Variants in APC2 observed in about 807,000 individuals in gnomAD.
APC2 encodes APC regulator of Wnt signaling pathway 2, also known as adenomatous polyposis coli protein 2.
In APC2, 41 loss-of-function variants were observed where a neutral mutation model predicts 72.5. That is an observed-to-expected ratio of 0.57 (90% confidence interval 0.44 to 0.73). The LOEUF is 0.73. Among genes scored for constraint, APC2 ranks in the 30% least tolerant of loss-of-function variants. APC2 has a pLI of 0.00. For missense variants in APC2, 3,729 were observed against 3,403.4 expected (o/e 1.10, Z -2.38); for synonymous variants, 1,898 against 1,612.0 (o/e 1.18, Z -4.25).
chr19:1,458,716 C>CT (rs1029536182), intron 10 of APC2: 1 of 152,180 alleles, frequency 6.6e-6, no homozygotes. Context: ...AAAGAAAAGT[C>CT]TTGCTGTAAC....
intron 13 of APC2, chr19:1,461,688 T>TA (rs2083926593): frequency 4.3e-6 from 2 of 460,434 alleles, no homozygotes; most frequent in Admixed American, 7.9e-5. Context: ...CCGTCTCTAC[T>TA]AAAAATACAA....
At chr19:1,448,544 T>TC (rs2083707267), upstream of APC2, among the ~76,000 whole-genome samples, 2 of 82,710 alleles carry the variant, frequency 2.4e-5, no homozygotes, top group Admixed American at 1.4e-4. Flanking sequence ...AGACCCCATC[T>TC]AAAAAAAAAA....
chr19:1,447,861 C>G (rs565657999), upstream of APC2, among the ~76,000 whole-genome samples: 2 of 152,278 alleles, frequency 1.3e-5, no homozygotes, highest in South Asian at 4.1e-4. Flanking sequence ...GCCCAGGCCT[C>G]AGTTTCCCCA....
rs968775613 is a variant in APC2 at position 1,450,316 on chromosome 19, C to G, written c.-41C>G. ...GGAGGCCCCAGACCCAGGCGCCCCGCCAGCCCAGCTGCACGTAAGCGGGTG... is the reference window on the plus strand; with the variant it reads ...GGAGGCCCCAGACCCAGGCGCCCCGGCAGCCCAGCTGCACGTAAGCGGGTG... On this transcript the variant is annotated 5_prime_UTR_variant, in exon 1 of 15. Coordinates refer to ENST00000590469, the MANE Select transcript of APC2 (RefSeq NM_005883.3). 2.0e-6 allele frequency: 2 copies of G among 985,346 alleles called. No individual in the cohort carries two copies. The highest frequency in any genetic ancestry group is 3.5e-5 in the African/African-American group (2 of 57,246). 61.0% of individuals were successfully genotyped at this position (985,346 alleles called of 1,614,324 possible).
rs571505746 is a variant in APC2, at chr19:1,459,008, C to T, written c.1303+948C>T. 1.2e-4 allele frequency among the ~76,000 whole-genome samples: 18 copies of T among 151,872 alleles called. No homozygotes were observed. The East Asian group carries it at 1.4e-3, about 12-fold the overall frequency. On this transcript the variant is annotated intron_variant, in intron 10 of 14. Coordinates refer to ENST00000590469, the MANE Select transcript of APC2 (RefSeq NM_005883.3). Reference sequence around the variant, plus strand: ...CACTTTACATCTTCAAACTCTGTCCCGGTGAAACATTTCCTGCTCATCCTG... The same window carrying T: ...CACTTTACATCTTCAAACTCTGTCCTGGTGAAACATTTCCTGCTCATCCTG...
At chr19:1,447,384 T>G (rs766857618), upstream of APC2, among the ~76,000 whole-genome samples, 3 of 152,104 alleles carry the variant, frequency 2.0e-5, no homozygotes, top group African/African-American at 4.8e-5. Flanking sequence ...GGCTGCGGAC[T>G]TGCGGGGAGG....
At chr19:1,460,549 G>A (rs947227132) in intron 11 of APC2, among the ~76,000 whole-genome samples, 19 of 152,244 alleles carry the variant, frequency 1.2e-4, no homozygotes, top group African/African-American at 4.3e-4. Context: ...TGCTGCCTCT[G>A]CAGAAAATGG....
Position 1,455,222 on chromosome 19 carries a change from T to G in APC2, c.487T>G (p.Ser163Ala). The change falls in exon 5 of 15, where the codon TCC becomes GCC. Residue 163 changes from serine to alanine, a missense_variant. Physicochemically the swap from Ser to Ala is moderately conservative, Grantham distance 99. Coordinates refer to ENST00000590469, the MANE Select transcript of APC2 (RefSeq NM_005883.3). ...GTACTACTCTCAGCTGCAGGGCCTG[T>G]CCAAGCGCCTGGACGAGCTGCCGCA... ...LWYYSQLQGLSKRLDELPHVE... is the reference protein window; with the variant it reads ...LWYYSQLQGLAKRLDELPHVE... 6.3e-7 allele frequency: 1 copy of G among 1,582,248 alleles called. No individual in the cohort carries two copies.
Position 1,468,847 on chromosome 19 carries a change from C to T in APC2, c.5546C>T (p.Thr1849Ile), listed in dbSNP as rs2084076934. ...CGGAGCCTACACCGGCCTGCCAAGA[C>T]CTCGGAGCTGGCGACGCTGAGCCAG... Reference protein sequence around the residue: ...RSRSLHRPAKTSELATLSQPP... With the variant: ...RSRSLHRPAKISELATLSQPP... The change falls in exon 15 of 15, where the codon ACC becomes ATC. Residue 1849 changes from threonine (T) to isoleucine (I), a missense_variant. Transcript: ENST00000590469. 1 of 1,550,282 alleles carries T rather than the reference C, an allele frequency of 6.5e-7. No homozygotes were observed. Among genetic ancestry groups the T allele is most frequent in the Non-Finnish European group, 8.7e-7 (1 of 1,155,364 alleles).
chr19:1,461,696 C>G (rs2083926738), intron 13 of APC2: 1 of 471,750 alleles, frequency 2.1e-6, no homozygotes, highest in Admixed American at 3.9e-5. Context: ...ACTAAAAATA[C>G]AAAAAATTAG....
In APC2 at chr19:1,467,355, C is replaced by A. The variant is rs1169188489; in HGVS notation, c.4054C>A (p.Pro1352Thr). The change falls in exon 15 of 15, where the codon CCT becomes ACT. Residue 1352 changes from proline to threonine, a missense_variant. Physicochemically the swap from Pro to Thr is conservative, Grantham distance 38. Coordinates refer to ENST00000590469, the MANE Select transcript of APC2 (RefSeq NM_005883.3). ...LLRECLGAAVPARLRKVASAL... is the reference protein window; with the variant it reads ...LLRECLGAAVTARLRKVASAL... ...GCGGGAGTGCCTGGGAGCCGCCGTG[C>A]CTGCCCGGCTGCGCAAGGTGGCCTC... The A allele has an allele frequency of 1.4e-6, 2 of 1,463,694 alleles. No individual in the cohort carries two copies. The highest frequency in any genetic ancestry group is 1.8e-6 in the Non-Finnish European group (2 of 1,112,018). The allele number at this position is 1,463,694 out of a possible 1,614,324, so 90.7% of individuals were successfully genotyped here. A position where few individuals can be genotyped will look rare whatever the true frequency, so the allele number is the denominator to read the frequency against.
In APC2 at chr19:1,466,161, C is replaced by T. The variant is rs1460400358; in HGVS notation, c.2860C>T (p.Arg954Cys). ...PCPLAALASRREDPRCGQPRP... is the reference protein window; with the variant it reads ...PCPLAALASRCEDPRCGQPRP... ...CCCGCTGGCCGCACTGGCTTCGCGC[C>T]GCGAGGACCCCAGGTGTGGGCAGCC... Residue 954 changes from arginine (R) to cysteine (C), a missense_variant, in exon 15 of 15, where the codon CGC (arginine) becomes TGC (cysteine). Physicochemically the swap from Arg to Cys is radical, Grantham distance 180. Coordinates refer to ENST00000590469, the MANE Select transcript of APC2 (RefSeq NM_005883.3). 6.4e-7 allele frequency: 1 copy of T among 1,565,420 alleles called. No homozygotes were observed. Among genetic ancestry groups the T allele is most frequent in the South Asian group, 1.2e-5 (1 of 86,862 alleles).
At position 1,470,347 on chromosome 19, in the gene APC2, G is replaced by C. The variant is rs112454924; in HGVS notation, c.*134G>C. On this transcript the variant is annotated 3_prime_UTR_variant, in exon 15 of 15. Transcript: ENST00000590469. ...GCCCACCCGAGCCCCACCACTCTCAGAACCCCCGCCCAGCGCACGGCGACC... is the reference window on the plus strand; with the variant it reads ...GCCCACCCGAGCCCCACCACTCTCACAACCCCCGCCCAGCGCACGGCGACC... 5.0e-5 allele frequency: 63 copies of C among 1,251,634 alleles called. 1 individual carries two copies. The African/African-American group carries it at 6.5e-4, about 13-fold the overall frequency. 77.5% of individuals were successfully genotyped at this position (1,251,634 alleles called of 1,614,324 possible).
At chr19:1,460,758 C>T (rs2083909431) in intron 11 of APC2, 22 bp from the exon 12 acceptor site, 1 of 1,609,086 alleles carries the variant, frequency 6.2e-7, no homozygotes. Context: ...CCCCGTGACC[C>T]CGGCTGCATA....
Position 1,452,970 on chromosome 19 carries a change from C to T in APC2, c.-18-14C>T, listed in dbSNP as rs1177794563. 6.2e-7 allele frequency: 1 copy of T among 1,609,392 alleles called. No homozygotes were observed. Among genetic ancestry groups the T allele is most frequent in the Admixed American group, 1.7e-5 (1 of 59,940 alleles). ...CCAGACCATCAGCTGAACCCTCTGA[C>T]CCTGTGATCCCAGACGCTGCAGGAG... On this transcript the variant is annotated splice_polypyrimidine_tract_variant and intron_variant, in intron 1 of 14. Transcript: ENST00000590469. The surrounding 1 kb of genome is among the most constrained non-coding windows in gnomAD (Gnocchi z 5.1).
In APC2 at chr19:1,468,992, TG is replaced by T; in HGVS notation, c.5695del (p.Ala1899ProfsTer97). On this transcript the variant is annotated frameshift_variant, in exon 15 of 15. Transcript: ENST00000590469. LOFTEE classifies it low-confidence loss of function (END_TRUNC). ...AGCGCCCCCCGGTCACCCAGGCTGCTGGGGCCCTGCCCGGCCCCGGAGCCTC... is the reference window on the plus strand; with the variant it reads ...AGCGCCCCCCGGTCACCCAGGCTGCTGGGCCCTGCCCGGCCCCGGAGCCTC... ...RKRPPVTQAA[G>X]ALPGPGASPV... The T allele has an allele frequency of 1.3e-6, 2 of 1,559,900 alleles. No homozygotes were observed. Among genetic ancestry groups the T allele is most frequent in the Non-Finnish European group, 1.7e-6 (2 of 1,157,600 alleles).
Position 1,457,125 on chromosome 19 carries a change from G to A in APC2, c.1089G>A (p.Leu363=), listed in dbSNP as rs1172221337. The A allele has an allele frequency of 6.3e-7, 1 of 1,588,856 alleles. No individual in the cohort carries two copies. The highest frequency in any genetic ancestry group is 8.5e-7 in the Non-Finnish European group (1 of 1,170,798). ...TCTTCTCGCAGCCGGACCAGGGCCT[G>A]GCGCGCAAGGAGATGCGCGTCCTGC... ...NIVFSQPDQG[L]ARKEMRVLHV... Residue 363 remains leucine (L), a synonymous_variant, in exon 9 of 15, where the codon CTG becomes CTA. Coordinates refer to ENST00000590469, the MANE Select transcript of APC2 (RefSeq NM_005883.3).
At position 1,452,878 on chromosome 19, in the gene APC2, G is replaced by T; in HGVS notation, c.-18-106G>T. 1 of 1,370,140 alleles carries T rather than the reference G, an allele frequency of 7.3e-7. No individual in the cohort carries two copies. The highest frequency in any genetic ancestry group is 9.8e-7 in the Non-Finnish European group (1 of 1,021,072). 84.9% of individuals were successfully genotyped at this position (1,370,140 alleles called of 1,614,324 possible). On this transcript the variant is annotated intron_variant, in intron 1 of 14. Coordinates refer to ENST00000590469, the MANE Select transcript of APC2 (RefSeq NM_005883.3). The surrounding 1 kb of genome is among the most constrained non-coding windows in gnomAD (Gnocchi z 5.1). ...CCTGCCTGAGACCCCCCCCAACCCA[G>T]GATCAGGCAGGACGGCTGGGGCTTA...
At position 1,469,365 on chromosome 19, in the gene APC2, C is replaced by A. The variant is rs1428906698; in HGVS notation, c.6064C>A (p.Gln2022Lys). 5.5e-6 allele frequency: 7 copies of A among 1,264,830 alleles called. No individual in the cohort carries two copies. Among genetic ancestry groups the A allele is most frequent in the South Asian group, 4.4e-5 (2 of 45,822 alleles). 78.4% of individuals were successfully genotyped at this position (1,264,830 alleles called of 1,614,324 possible). Residue 2022 changes from glutamine (Q) to lysine (K), a missense_variant, in exon 15 of 15, where the codon CAG becomes AAG. Transcript: ENST00000590469. The stretch of plus-strand genomic sequence containing the variant: ...GGCCGAGTCCGCGGCCTCTGCCCCC[C>A]AGGGCGCCTCGCCCCGCCGCGGCCG... ...SSAESAASAPQGASPRRGRPA... is the reference protein window; with the variant it reads ...SSAESAASAPKGASPRRGRPA...
Sources: allele counts gnomAD v4.1 joint callset (sites outside exome capture counted in the v4.1 genomes callset), GRCh38; gene constraint gnomAD v4.1.1; non-coding constraint Gnocchi (gnomAD v3.1); transcripts MANE v1.5; gene names NCBI Gene and HGNC (gene_info 2026-07-23, HGNC 2026-07-21).